CLIP2: variants seen among roughly 807,000 people sequenced by gnomAD.
The protein encoded by CLIP2 is CAP-Gly domain-containing linker protein 2.
Under a neutral mutation model 111.7 loss-of-function variants are expected in CLIP2, and 41 were observed. That is an observed-to-expected ratio of 0.37 (90% confidence interval 0.29 to 0.48). The LOEUF (loss-of-function observed/expected upper bound fraction) is 0.48, where lower values mean the gene tolerates loss of function less well. Ranked by LOEUF, CLIP2 falls within the 20% of genes least tolerant of loss-of-function variation. The pLI is 0.99. For missense variants in CLIP2, 1,160 were observed against 1,422.1 expected (o/e 0.82, Z 2.96); for synonymous variants, 660 against 644.2 (o/e 1.02, Z -0.37).
At chr7:74,360,039 C>A in intron 6 of CLIP2, 136 bp from the exon 7 acceptor site, 1 of 655,578 alleles carries the variant, frequency 1.5e-6, no homozygotes, top group South Asian at 1.8e-5. Flanking sequence ...TGTGCATGCC[C>A]GGCAGGTGCC....
Position 74,371,243 on chromosome 7 carries a change from CAAAAAAAAA to C in CLIP2, c.1381-1674_1381-1666del, listed in dbSNP as rs781898485. 5.8e-4 allele frequency among the ~76,000 whole-genome samples: 36 copies of C among 61,640 alleles called. No individual in the cohort carries two copies. The Admixed American group carries it at 7.4e-3, about 13-fold the overall frequency. The allele number at this position is 61,640 out of a possible 152,430, so 40.4% of individuals were successfully genotyped here. On this transcript the variant is annotated intron_variant, in intron 8 of 16. Transcript: ENST00000223398. ...TGGGTGAAAGAGGGAAACTATGCCT[CAAAAAAAAA>C]AAAAAAAAAAAAAAGGTTGAGGGGA...
rs1789568817 is a variant in CLIP2, at chr7:74,338,926, C to CGAG, written c.601_603dup (p.Glu201dup). On this transcript the variant is annotated inframe_insertion, in exon 3 of 17. Coordinates refer to ENST00000223398, the MANE Select transcript of CLIP2 (RefSeq NM_003388.5). This position sits in a 1 kb window ranked among gnomAD's most constrained non-coding sequence, Gnocchi z 4.3. ...TCAACAGCTCCGTGAAGACTGGCAACGAGTCGGGATCCAACCTCTCAGACA... is the reference window on the plus strand; with the variant it reads ...TCAACAGCTCCGTGAAGACTGGCAACGAGGAGTCGGGATCCAACCTCTCAGACA... 6 of 1,601,178 alleles carry CGAG rather than the reference C, an allele frequency of 3.7e-6. No individual in the cohort carries two copies. The East Asian group carries it at 1.3e-4, about 36-fold the overall frequency.
intron 3 of CLIP2, among the ~76,000 whole-genome samples, chr7:74,351,836 AAAAT>A (rs1554307638): frequency 6.6e-6 from 1 of 152,166 alleles, no homozygotes; most frequent in African/African-American, 2.4e-5. Flanking sequence ...ACTCCGTCTC[AAAAT>A]AAATAAATAA....
chr7:74,355,313 CAG>C (rs1363977273), intron 4 of CLIP2, among the ~76,000 whole-genome samples: 9 of 152,060 alleles, frequency 5.9e-5, no homozygotes, highest in African/African-American at 1.9e-4. Flanking sequence ...TCAAGTGAAT[CAG>C]AAGCTGGATG....
At chr7:74,340,051 G>A (rs1363831951) in intron 3 of CLIP2, among the ~76,000 whole-genome samples, 2 of 152,058 alleles carry the variant, frequency 1.3e-5, no homozygotes, top group African/African-American at 4.8e-5. Context: ...CCAAGATAGT[G>A]CCACTGCACT....
chr7:74,385,464 C>CAA (rs147539922), intron 11 of CLIP2, among the ~76,000 whole-genome samples: 5 of 71,270 alleles, frequency 7.0e-5, no homozygotes, highest in Non-Finnish European at 1.2e-4. Context: ...TAACCTGTCT[C>CAA]AAAAAAAAAA....
At chr7:74,333,311 G>A (rs10251300) in intron 2 of CLIP2, among the ~76,000 whole-genome samples, 10,413 of 151,702 alleles carry the variant, frequency 0.069, 755 homozygotes, top group East Asian at 0.34. Context: ...AGCCTCCCAA[G>A]TAGCTTGGAT....
chr7:74,380,937 C>T, intron 11 of CLIP2, 74 bp downstream of exon 11: 3 of 1,466,276 alleles, frequency 2.0e-6, no homozygotes, highest in Non-Finnish European at 2.9e-6. Flanking sequence ...CCTGCTGGGT[C>T]ACATTTTGGT....
chr7:74,360,902 A>G (rs1463132452), intron 7 of CLIP2, among the ~76,000 whole-genome samples: 3 of 151,996 alleles, frequency 2.0e-5, no homozygotes, highest in Non-Finnish European at 4.4e-5. Flanking sequence ...CCAGCAGAAT[A>G]TTGAGAAGAG....
intron 8 of CLIP2, among the ~76,000 whole-genome samples, chr7:74,368,474 G>A (rs1304900247): frequency 6.6e-6 from 1 of 151,584 alleles, no homozygotes; most frequent in Non-Finnish European, 1.5e-5. Flanking sequence ...CCGAGATCGC[G>A]TCATTGCACT....
chr7:74,302,369 C>T (rs1788364934), intron 1 of CLIP2, among the ~76,000 whole-genome samples: 1 of 151,994 alleles, frequency 6.6e-6, no homozygotes, highest in Admixed American at 6.6e-5. Flanking sequence ...GCGCACACCA[C>T]CACGCCCAAT....
chr7:74,326,913 G>A (rs782017044), intron 2 of CLIP2, among the ~76,000 whole-genome samples: 24 of 151,830 alleles, frequency 1.6e-4, no homozygotes, highest in Admixed American at 1.4e-3. Context: ...TAGGATTACA[G>A]GCCTGGGTCA....
At chr7:74,397,370 ATCT>A (rs1186016312) in intron 14 of CLIP2, 137 bp downstream of exon 14, 5 of 980,416 alleles carry the variant, frequency 5.1e-6, no homozygotes, top group Non-Finnish European at 7.4e-6. Context: ...AGGATTTGAA[ATCT>A]TCTAGGACCA....
At chr7:74,358,759 C>T (rs1055850897) in intron 6 of CLIP2, among the ~76,000 whole-genome samples, 4 of 150,406 alleles carry the variant, frequency 2.7e-5, no homozygotes, top group East Asian at 2.0e-4. Flanking sequence ...TTTGTGGAGA[C>T]GGAGTCTTGC....
intron 3 of CLIP2, among the ~76,000 whole-genome samples, chr7:74,346,032 G>A (rs1554306157): frequency 6.6e-6 from 1 of 152,018 alleles, no homozygotes; most frequent in Non-Finnish European, 1.5e-5. Context: ...AGGCTGGAGT[G>A]CAGTGGCATG....
chr7:74,353,607 C>T (rs1445547426), intron 3 of CLIP2, among the ~76,000 whole-genome samples: 1 of 152,188 alleles, frequency 6.6e-6, no homozygotes, highest in African/African-American at 2.4e-5. Context: ...GATAACTTGC[C>T]TAGGCACACA....
In CLIP2 at chr7:74,380,837, C is replaced by G. The variant is rs150303540; in HGVS notation, c.2453C>G (p.Thr818Arg). The G allele has an allele frequency of 6.8e-6, 11 of 1,610,704 alleles. No homozygotes were observed. The highest frequency in any genetic ancestry group is 9.3e-6 in the Non-Finnish European group (11 of 1,177,826). Reference sequence around the variant, plus strand: ...GAGTCGAATGACATTTCAGAGGAGACGATCAGGACGAAGGAAACTGTGGAG... The same window carrying G: ...GAGTCGAATGACATTTCAGAGGAGAGGATCAGGACGAAGGAAACTGTGGAG... ...MIESNDISEE[T>R]IRTKETVEGL... The change falls in exon 11 of 17, where the codon ACG becomes AGG. Residue 818 changes from threonine to arginine, a missense_variant. Thr to Arg is a moderately conservative substitution (Grantham distance 71). This residue lies in a region of CLIP2 where 676 missense variants were observed against 777.8 expected (regional missense o/e 0.87). Coordinates refer to ENST00000223398, the MANE Select transcript of CLIP2 (RefSeq NM_003388.5).
At chr7:74,332,325 C>T (rs960203912) in intron 2 of CLIP2, among the ~76,000 whole-genome samples, 2 of 152,040 alleles carry the variant, frequency 1.3e-5, no homozygotes, top group Admixed American at 1.3e-4. Context: ...CTGCTCACCT[C>T]AGCCTCCCAA....
chr7:74,336,419 A>T (rs2116552679), intron 2 of CLIP2, among the ~76,000 whole-genome samples: 1 of 152,214 alleles, frequency 6.6e-6, no homozygotes, highest in South Asian at 2.1e-4. Flanking sequence ...TCACAGTTCC[A>T]TGTGGCTGGG....
Sources: allele counts gnomAD v4.1 joint callset (sites outside exome capture counted in the v4.1 genomes callset), GRCh38; gene constraint gnomAD v4.1.1; regional missense constraint gnomAD v4.1.1; non-coding constraint Gnocchi (gnomAD v3.1); transcripts MANE v1.5; gene names NCBI Gene and HGNC (gene_info 2026-07-23, HGNC 2026-07-21).